Variants in ZNF292 observed in about 807,000 individuals in gnomAD.
ZNF292 encodes the protein 16 zinc-finger domain protein.
A neutral mutation model predicts 217.9 loss-of-function variants in ZNF292; 26 were observed. The observed-to-expected ratio is 0.12, with a 90% CI of 0.09 to 0.17. The LOEUF (loss-of-function observed/expected upper bound fraction) is 0.17. ZNF292 is among the 10% of genes least tolerant of loss of function. The pLI, the probability that ZNF292 is intolerant of heterozygous loss-of-function variation, is 1.00. For missense variants in ZNF292, 2,904 were observed against 3,175.2 expected (o/e 0.91, Z 2.05); for synonymous variants, 1,257 against 1,124.1 (o/e 1.12, Z -2.37).
intron 1 of ZNF292, among the ~76,000 whole-genome samples, chr6:87,177,325 CA>C (rs200520906): frequency 4.6e-3 from 562 of 121,398 alleles, no homozygotes; most frequent in African/African-American, 5.3e-3. Context: ...AACTCCATCT[CA>C]AAAAAAAAAA....
At chr6:87,226,585 G>A (rs991146145) in intron 4 of ZNF292, among the ~76,000 whole-genome samples, 5 of 148,474 alleles carry the variant, frequency 3.4e-5, no homozygotes, top group African/African-American at 1.2e-4. Context: ...CGCACTCTTT[G>A]GTTTCTTAAA....
At position 87,155,614 on chromosome 6, in the gene ZNF292, AGGAGAGGTT is replaced by A. The variant is rs1582353505; in HGVS notation, c.25_33del (p.Glu9_Leu11del). ...AAGATGGCGGACGAAGAGGCCGAGC[AGGAGAGGTT>A]GAGTTGCGGCGAAGGCGGCTGCGTC... On this transcript the variant is annotated inframe_deletion, in exon 1 of 8. Coordinates refer to ENST00000369577, the MANE Select transcript of ZNF292 (RefSeq NM_015021.3). The A allele has an allele frequency of 6.3e-7, 1 of 1,582,922 alleles. No individual in the cohort carries two copies. Among genetic ancestry groups the A allele is most frequent in the East Asian group, 2.3e-5 (1 of 43,418 alleles).
At chr6:87,178,158 C>G (rs926620613) in intron 1 of ZNF292, among the ~76,000 whole-genome samples, 1 of 152,118 alleles carries the variant, frequency 6.6e-6, no homozygotes, top group African/African-American at 2.4e-5. Flanking sequence ...GATTTAATTA[C>G]GTGTTCCTCA....
chr6:87,181,683 TG>T (rs1771477825), intron 1 of ZNF292, among the ~76,000 whole-genome samples: 2 of 148,306 alleles, frequency 1.3e-5, no homozygotes, highest in Admixed American at 6.7e-5. Flanking sequence ...GGTTCTTTTT[TG>T]TTTTGTTTTT....
chr6:87,209,149 T>C (rs748629594), intron 1 of ZNF292, among the ~76,000 whole-genome samples: 3 of 149,368 alleles, frequency 2.0e-5, no homozygotes, highest in Non-Finnish European at 4.4e-5. Context: ...TCCCAGTTCC[T>C]GAGCCCTTTG....
intron 5 of ZNF292, among the ~76,000 whole-genome samples, chr6:87,237,277 GCT>G (rs759076308): frequency 6.6e-6 from 1 of 152,220 alleles, no homozygotes; most frequent in East Asian, 1.9e-4. Flanking sequence ...GAGTAAGCTT[GCT>G]CTGTTGCCCA....
intron 1 of ZNF292, among the ~76,000 whole-genome samples, chr6:87,215,622 A>G (rs775150900): frequency 1.4e-4 from 21 of 152,174 alleles, no homozygotes; most frequent in Non-Finnish European, 2.2e-4. Flanking sequence ...TTTAAAACTT[A>G]CTAGGGAATA....
Position 87,155,642 on chromosome 6 carries a change from C to A in ZNF292, c.51C>A (p.Gly17=). 1 of 1,580,714 alleles carries A rather than the reference C, an allele frequency of 6.3e-7. No individual in the cohort carries two copies. The highest frequency in any genetic ancestry group is 8.6e-7 in the Non-Finnish European group (1 of 1,165,100). The change falls in exon 1 of 8, where the codon GGC becomes GGA. Residue 17 remains glycine, a synonymous_variant. Transcript: ENST00000369577. ...AGAGGTTGAGTTGCGGCGAAGGCGGCTGCGTCGCGGAGCTGCAGCGCCTGG... is the reference window on the plus strand; with the variant it reads ...AGAGGTTGAGTTGCGGCGAAGGCGGATGCGTCGCGGAGCTGCAGCGCCTGG... ...EQERLSCGEG[G]CVAELQRLGE...
Position 87,261,004 on chromosome 6 carries a change from A to G in ZNF292, c.7375A>G (p.Asn2459Asp), listed in dbSNP as rs776579461. The change falls in exon 8 of 8, where the codon AAT becomes GAT. Residue 2459 changes from asparagine (N) to aspartate (D), a missense_variant. Physicochemically the swap from Asn to Asp is conservative, Grantham distance 23 (BLOSUM62 1). Around this residue, in one of 15 missense-constraint regions of ZNF292, gnomAD observed 380 missense variants for 355.3 expected, o/e 1.07. Transcript: ENST00000369577. ...TTCTGACACGTGTGTATCAGAGAGC[A>G]ATGATAATTCAAGAACAACAGCTAC... ...KDSDTCVSES[N>D]DNSRTTATVS... 5.6e-6 allele frequency: 9 copies of G among 1,605,822 alleles called. No homozygotes were observed. In the South Asian group the frequency reaches 8.9e-5, roughly 16 times the overall value.
rs931604872 is a variant in ZNF292, at chr6:87,245,703, C to T, written c.1020+59C>T. The T allele has an allele frequency of 1.0e-5, 11 of 1,101,252 alleles. No homozygotes were observed. In the African/African-American group the frequency reaches 1.6e-4, roughly 16 times the overall value. The allele number at this position is 1,101,252 out of a possible 1,614,324, so 68.2% of individuals were successfully genotyped here. A position where few individuals can be genotyped will look rare whatever the true frequency, so the allele number is the denominator to read the frequency against. ...TGTGTACATTATCATTAATAAAAGA[C>T]TATAACTTTTATGATTTTGGCTCCC... is the stretch of plus-strand genomic sequence containing the variant. On this transcript the variant is annotated intron_variant, in intron 7 of 7. Transcript: ENST00000369577.
At chr6:87,248,194 ATTTG>A (rs1421361225) in intron 7 of ZNF292, among the ~76,000 whole-genome samples, 4 of 152,094 alleles carry the variant, frequency 2.6e-5, no homozygotes, top group Non-Finnish European at 5.9e-5. Flanking sequence ...TGAATTTTTT[ATTTG>A]TTTTTTATTT....
At chr6:87,250,468 A>C (rs1774869431) in intron 7 of ZNF292, among the ~76,000 whole-genome samples, 1 of 152,120 alleles carries the variant, frequency 6.6e-6, no homozygotes, top group Admixed American at 6.6e-5. Flanking sequence ...AGGAAAAAAA[A>C]ATTCTATAGA....
intron 3 of ZNF292, among the ~76,000 whole-genome samples, chr6:87,216,583 C>T (rs1183719147): frequency 2.6e-5 from 4 of 151,890 alleles, no homozygotes; most frequent in Admixed American, 6.6e-5. Flanking sequence ...ATTGAATAAT[C>T]GTTATGATCA....
chr6:87,161,427 T>C (rs995279849), intron 1 of ZNF292, among the ~76,000 whole-genome samples: 11 of 152,180 alleles, frequency 7.2e-5, no homozygotes, highest in Non-Finnish European at 1.6e-4. Context: ...TTTTGCTTTA[T>C]TTTTATTTTT....
At chr6:87,242,705 T>C (rs765504904) in intron 5 of ZNF292, among the ~76,000 whole-genome samples, 2 of 152,240 alleles carry the variant, frequency 1.3e-5, no homozygotes, top group East Asian at 3.8e-4. Context: ...TCCCTTGTCT[T>C]ATAGCAGATG....
chr6:87,170,645 G>A (rs1361601082), intron 1 of ZNF292, among the ~76,000 whole-genome samples: 1 of 151,972 alleles, frequency 6.6e-6, no homozygotes, highest in Non-Finnish European at 1.5e-5. Context: ...TTGTGGTGTG[G>A]GTTTTTTAAT....
chr6:87,247,988 C>G (rs1338462169), intron 7 of ZNF292, among the ~76,000 whole-genome samples: 1 of 152,112 alleles, frequency 6.6e-6, no homozygotes, highest in African/African-American at 2.4e-5. Context: ...ATATGTGCTT[C>G]CACTTATTTT....
rs1415738770 is a variant in ZNF292 at position 87,221,164 on chromosome 6, G to A, written c.538+2433G>A. On this transcript the variant is annotated intron_variant, in intron 4 of 7. Transcript: ENST00000369577. ...GAGAAATACTCTTTGATTTGGGAGAGTAAGGGTGGACAGGACTCAAAGATA... is the reference window on the plus strand; with the variant it reads ...GAGAAATACTCTTTGATTTGGGAGAATAAGGGTGGACAGGACTCAAAGATA... 3.9e-5 allele frequency among the ~76,000 whole-genome samples: 6 copies of A among 152,218 alleles called. No individual in the cohort carries two copies. The East Asian group carries it at 1.2e-3, about 29-fold the overall frequency.
chr6:87,202,025 C>A (rs2127789794), intron 1 of ZNF292, among the ~76,000 whole-genome samples: 1 of 152,262 alleles, frequency 6.6e-6, no homozygotes, highest in South Asian at 2.1e-4. Flanking sequence ...CTTCCAAATT[C>A]AAAAACCTGG....
Sources: gnomAD v4.1 joint callset for allele counts (sites outside exome capture counted in the v4.1 genomes callset) on GRCh38, gnomAD v4.1.1 for gene constraint, gnomAD v4.1.1 regional missense constraint, MANE v1.5 for transcripts, NCBI Gene and HGNC (gene_info 2026-07-23, HGNC 2026-07-21) for gene names.